The following SDF2 variants were observed in gnomAD, a reference collection of about 807,000 sequenced individuals.
SDF2 encodes the protein stromal cell-derived factor 2.
In SDF2, 12 loss-of-function variants were observed where a neutral mutation model predicts 20.5. The ratio of observed to expected loss-of-function variants is 0.58; its 90% confidence interval spans 0.37 to 0.95. The LOEUF is 0.95. Among genes scored for constraint, SDF2 ranks in the 40% least tolerant of loss-of-function variants. SDF2 has a pLI of 0.01. For synonymous variants in SDF2, 100 were observed against 101.0 expected (o/e 0.99, Z 0.06); for missense variants, 238 against 263.1 (o/e 0.90, Z 0.66).
intron 1 of SDF2, 155 bp from the exon 2 acceptor site, chr17:28,655,638 T>G (rs972303481): frequency 2.9e-6 from 2 of 696,642 alleles, no homozygotes; most frequent in Non-Finnish European, 5.0e-6. Context: ...ATATTAATAC[T>G]GCTCTACAAG....
chr17:28,658,347 T>A (rs1023902806), intron 1 of SDF2, among the ~76,000 whole-genome samples: 1 of 151,586 alleles, frequency 6.6e-6, no homozygotes, highest in African/African-American at 2.4e-5. Context: ...GGAGAGAAGG[T>A]CAGCAGATAA....
intron 2 of SDF2, among the ~76,000 whole-genome samples, chr17:28,651,888 G>A (rs1333008828): frequency 6.6e-6 from 1 of 152,204 alleles, no homozygotes; most frequent in African/African-American, 2.4e-5. Flanking sequence ...CTGAACTGAA[G>A]TTCAATACAT....
At position 28,649,171 on chromosome 17, in the gene SDF2, G is replaced by T. The variant is rs772275981; in HGVS notation, c.454C>A (p.His152Asn). ...WVRDGEVRFK[H>N]SSTEVLLSVT... ...GACAGCAGTACCTCAGTGGAAGAGTGTTTGAACCGCACCTCACCATCTCTC... is the reference window on the plus strand; with the variant it reads ...GACAGCAGTACCTCAGTGGAAGAGTTTTTGAACCGCACCTCACCATCTCTC... Residue 152 changes from histidine (H) to asparagine (N), a missense_variant, in exon 3 of 3, where the codon CAC becomes AAC. Transcript: ENST00000247020. The T allele has an allele frequency of 6.2e-7, 1 of 1,614,230 alleles. No homozygotes were observed. Among genetic ancestry groups the T allele is most frequent in the Non-Finnish European group, 8.5e-7 (1 of 1,180,054 alleles).
chr17:28,655,807 A>C (rs892548960), intron 1 of SDF2: 8 of 350,988 alleles, frequency 2.3e-5, no homozygotes, highest in Middle Eastern at 9.2e-4. Flanking sequence ...CCGAACACCA[A>C]ATCAACCCAA....
chr17:28,649,113 C>A lies in SDF2; in HGVS notation c.512G>T (p.Ser171Ile). The change falls in exon 3 of 3, where the codon AGT becomes ATT. Residue 171 changes from serine (S) to isoleucine (I), a missense_variant. By Grantham distance (142) the Ser-to-Ile change is moderately radical. Coordinates refer to ENST00000247020, the MANE Select transcript of SDF2 (RefSeq NM_006923.4). ...VTGEQYGRPI[S>I]GQKEVHGMAQ... The stretch of plus-strand genomic sequence containing the variant: ...CATGCCATGCACCTCTTTTTGCCCA[C>A]TGATAGGTCGACCATATTGTTCTCC... 6.2e-7 allele frequency: 1 copy of A among 1,614,236 alleles called. No homozygotes were observed. The highest frequency in any genetic ancestry group is 1.1e-5 in the South Asian group (1 of 91,088).
At chr17:28,652,175 C>G (rs958695962) in intron 2 of SDF2, among the ~76,000 whole-genome samples, 6 of 150,690 alleles carry the variant, frequency 4.0e-5, no homozygotes, top group Non-Finnish European at 8.8e-5. Context: ...CAGCAAGAAC[C>G]CATCTTAAAA....
At chr17:28,651,082 C>CT (rs1567675881) in intron 2 of SDF2, among the ~76,000 whole-genome samples, 1 of 150,724 alleles carries the variant, frequency 6.6e-6, no homozygotes, top group African/African-American at 2.4e-5. Flanking sequence ...AAATACTTTA[C>CT]TTTTTTGAGA....
rs929731792 is a variant in SDF2 at position 28,655,389 on chromosome 17, CCT to C, written c.244_245del (p.Arg82GlyfsTer23). On this transcript the variant is annotated frameshift_variant, in exon 2 of 3. Coordinates refer to ENST00000247020, the MANE Select transcript of SDF2 (RefSeq NM_006923.4). LOFTEE classifies it high-confidence loss of function. ...GCTGGCCACACTTGATGGGGGTTCCCCTCTCACACACTGTGGCACTCTTCCCC... is the reference window on the plus strand; with the variant it reads ...GCTGGCCACACTTGATGGGGGTTCCCCTCACACACTGTGGCACTCTTCCCC... ...IRGKSATVCE[R>X]GTPIKCGQPI... 2 of 1,614,224 alleles carry C rather than the reference CCT, an allele frequency of 1.2e-6. No individual in the cohort carries two copies. The highest frequency in any genetic ancestry group is 1.7e-6 in the Non-Finnish European group (2 of 1,180,036).
rs531199002 is a variant in SDF2, at chr17:28,655,914, TCA to T, written c.152-433_152-432del. On this transcript the variant is annotated intron_variant, in intron 1 of 2. Transcript: ENST00000247020. ...TGTAAAGTGGTTGGTTGCAGTTGTGTCACAGTGAAGGGCTACAGCAAAGAATT... is the reference window on the plus strand; with the variant it reads ...TGTAAAGTGGTTGGTTGCAGTTGTGTCAGTGAAGGGCTACAGCAAAGAATT... 186 of 167,958 alleles carry T rather than the reference TCA, an allele frequency of 1.1e-3. 1 individual carries two copies. The highest frequency in any genetic ancestry group is 4.2e-3 in the African/African-American group (176 of 41,932). The allele number at this position is 167,958 out of a possible 1,614,324, so 10.4% of individuals were successfully genotyped here.
rs377170584 is a variant in SDF2, at chr17:28,657,159, G to A, written c.152-1676C>T. 1.2e-3 allele frequency among the ~76,000 whole-genome samples: 176 copies of A among 151,808 alleles called. No homozygotes were observed. In the Middle Eastern group the frequency reaches 0.027, roughly 23 times the overall value. On this transcript the variant is annotated intron_variant, in intron 1 of 2. Coordinates refer to ENST00000247020, the MANE Select transcript of SDF2 (RefSeq NM_006923.4). ...GAAGAATTGCTTGCATCCGGGAGGC[G>A]GAGGTTGCAGTGAGCCGAGATCACA...
At chr17:28,651,165 G>C (rs2071911829) in intron 2 of SDF2, among the ~76,000 whole-genome samples, 1 of 152,070 alleles carries the variant, frequency 6.6e-6, no homozygotes, top group Admixed American at 6.5e-5. Context: ...CCACCTCTTG[G>C]GTTCTCATGC....
At position 28,648,576 on chromosome 17, in the gene SDF2, A is replaced by G. The variant is rs1170767591; in HGVS notation, c.*413T>C. The G allele has an allele frequency of 9.9e-6, 2 of 201,732 alleles. No individual in the cohort carries two copies. The highest frequency in any genetic ancestry group is 2.0e-5 in the Non-Finnish European group (2 of 97,740). 12.5% of individuals were successfully genotyped at this position (201,732 alleles called of 1,614,324 possible). A position where few individuals can be genotyped will look rare whatever the true frequency, so the allele number is the denominator to read the frequency against. On this transcript the variant is annotated 3_prime_UTR_variant, in exon 3 of 3. Transcript: ENST00000247020. ...AATGAAATAGCACACCTAATAAATAACAACACAGTGACTCATAATAAAATT... is the reference window on the plus strand; with the variant it reads ...AATGAAATAGCACACCTAATAAATAGCAACACAGTGACTCATAATAAAATT...
chr17:28,659,570 G>A (rs1415794286), intron 1 of SDF2, among the ~76,000 whole-genome samples: 4 of 150,032 alleles, frequency 2.7e-5, no homozygotes, highest in Non-Finnish European at 4.4e-5. Context: ...CCCAGATGGC[G>A]CGGCCGGGCA....
In SDF2 at chr17:28,650,277, C is replaced by T. The variant is rs2071902607; in HGVS notation, c.349-1001G>A. Among the ~76,000 whole-genome samples, 2 of 151,182 alleles carry T rather than the reference C, an allele frequency of 1.3e-5. 1 individual carries two copies. Among genetic ancestry groups the T allele is most frequent in the African/African-American group, 4.9e-5 (2 of 41,104 alleles). ...ACTCCAGTGTTGTTTAAACCATGAA[C>T]CATGGAAAAAGACGAAAGACATAAA... On this transcript the variant is annotated intron_variant, in intron 2 of 2. Transcript: ENST00000247020.
chr17:28,653,280 C>T (rs1433016991), intron 2 of SDF2, among the ~76,000 whole-genome samples: 2 of 152,174 alleles, frequency 1.3e-5, no homozygotes, highest in African/African-American at 4.8e-5. Flanking sequence ...TGATGGGATA[C>T]AAATGGCACT....
chr17:28,653,066 C>T lies in SDF2; in HGVS notation c.348+2221G>A, dbSNP rs116269844. On this transcript the variant is annotated intron_variant, in intron 2 of 2. Transcript: ENST00000247020. Reference sequence around the variant, plus strand: ...TCCCAAATAAAATATGTAGATATTCCACCCTAATGTAGACAGAGTATAACT... The same window carrying T: ...TCCCAAATAAAATATGTAGATATTCTACCCTAATGTAGACAGAGTATAACT... Among the ~76,000 whole-genome samples, 381 of 152,196 alleles carry T rather than the reference C, an allele frequency of 2.5e-3. 3 individuals are homozygous for T. Among genetic ancestry groups the T allele is most frequent in the African/African-American group, 8.7e-3 (363 of 41,506 alleles).
chr17:28,650,578 G>A (rs2071905616), intron 2 of SDF2, among the ~76,000 whole-genome samples: 1 of 151,624 alleles, frequency 6.6e-6, no homozygotes, highest in Non-Finnish European at 1.5e-5. Flanking sequence ...CTGAGGTCAG[G>A]AGTTCAAGAC....
At chr17:28,660,364 A>G (rs756243176) in intron 1 of SDF2, 1 of 152,288 alleles carries the variant, frequency 6.6e-6, no homozygotes, top group Non-Finnish European at 1.5e-5. Context: ...AATCCCAGAT[A>G]GAGAATCACA....
At chr17:28,658,624 C>T (rs914820177) in intron 1 of SDF2, among the ~76,000 whole-genome samples, 14 of 152,326 alleles carry the variant, frequency 9.2e-5, no homozygotes, top group Middle Eastern at 3.4e-3. Context: ...TTTCTTAGTA[C>T]AGAACAAAAT....
Sources: gnomAD v4.1 joint callset for allele counts (sites outside exome capture counted in the v4.1 genomes callset) on GRCh38, gnomAD v4.1.1 for gene constraint, MANE v1.5 for transcripts, NCBI Gene and HGNC (gene_info 2026-07-23, HGNC 2026-07-21) for gene names.